LIPH: variants seen among roughly 807,000 people sequenced by gnomAD.
The protein encoded by LIPH is lipase H.
Under a neutral mutation model 47.6 loss-of-function variants are expected in LIPH, and 32 were observed. The observed-to-expected ratio is 0.67, with a 90% CI of 0.51 to 0.90. The LOEUF is 0.90. Among genes scored for constraint, LIPH ranks in the 40% least tolerant of loss-of-function variants. LIPH has a pLI of 0.00. For missense variants in LIPH, 497 were observed against 541.4 expected (o/e 0.92, Z 0.81); for synonymous variants, 190 against 195.6 (o/e 0.97, Z 0.24).
intron 2 of LIPH, 32 bp downstream of exon 2, chr3:185,534,733 T>C (rs781588111): frequency 6.2e-7 from 1 of 1,611,150 alleles, no homozygotes; most frequent in Non-Finnish European, 8.5e-7. Context: ...AGTTTCAACT[T>C]AGCTCTGAAT....
Position 185,534,841 on chromosome 3 carries a change from G to C in LIPH, c.341C>G (p.Thr114Ser). The C allele has an allele frequency of 1.9e-6, 3 of 1,614,070 alleles. No individual in the cohort carries two copies. The highest frequency in any genetic ancestry group is 4.5e-5 in the East Asian group (2 of 44,886). Residue 114 changes from threonine to serine, a missense_variant, in exon 2 of 10, where the codon ACT becomes AGT. Physicochemically the swap from Thr to Ser is moderately conservative, Grantham distance 58 (BLOSUM62 1). Transcript: ENST00000296252. ...ACTAGAGGCATGGGTATATATTAAAGTTGTAGCTCCTCGATTCCAATCAAC... is the reference window on the plus strand; with the variant it reads ...ACTAGAGGCATGGGTATATATTAAACTTGTAGCTCCTCGATTCCAATCAAC... ...VVVDWNRGAT[T>S]LIYTHASSKT...
chr3:185,514,946 A>G (rs951004005), intron 7 of LIPH, among the ~76,000 whole-genome samples: 9 of 152,066 alleles, frequency 5.9e-5, no homozygotes, highest in East Asian at 1.9e-4. Flanking sequence ...CCTTCTCCCA[A>G]TCATGCTCCA....
chr3:185,537,267 A>G (rs1720530389), intron 1 of LIPH, among the ~76,000 whole-genome samples: 1 of 152,186 alleles, frequency 6.6e-6, no homozygotes, highest in Admixed American at 6.5e-5. Context: ...GCGGTTAATC[A>G]GGTAGATAAA....
chr3:185,529,184 A>G (rs1157645315), intron 3 of LIPH, among the ~76,000 whole-genome samples: 1 of 147,422 alleles, frequency 6.8e-6, no homozygotes, highest in Non-Finnish European at 1.5e-5. Context: ...CTCAAAAAAA[A>G]AAAAAAAAGA....
Position 185,506,495 on chromosome 3 carries a change from G to GA in LIPH, c.*2294dup, listed in dbSNP as rs1260364696. The GA allele has an allele frequency of 6.6e-6, 1 of 151,968 alleles. No individual in the cohort carries two copies. Among genetic ancestry groups the GA allele is most frequent in the Non-Finnish European group, 1.5e-5 (1 of 68,016 alleles). 9.4% of individuals were successfully genotyped at this position (151,968 alleles called of 1,614,324 possible). A position where few individuals can be genotyped will look rare whatever the true frequency, so the allele number is the denominator to read the frequency against. On this transcript the variant is annotated 3_prime_UTR_variant, in exon 10 of 10. Transcript: ENST00000296252. ...ATTGTTTTGACTCCCTGCTTACCAG[G>GA]AAAGAGAACAAAAAAGTGACTGTGC...
At chr3:185,547,449 T>C (rs1018892827) in intron 1 of LIPH, among the ~76,000 whole-genome samples, 4 of 152,114 alleles carry the variant, frequency 2.6e-5, no homozygotes, top group Non-Finnish European at 1.5e-5. Context: ...AAACGTGACA[T>C]AGATGTATAT....
At chr3:185,550,525 T>G (rs1389250656) in intron 1 of LIPH, among the ~76,000 whole-genome samples, 1 of 152,202 alleles carries the variant, frequency 6.6e-6, no homozygotes, top group East Asian at 1.9e-4. Context: ...TGTGTTTTTG[T>G]GTTAGGGTTG....
At chr3:185,512,258 G>A (rs533466345) in intron 8 of LIPH, among the ~76,000 whole-genome samples, 1 of 152,166 alleles carries the variant, frequency 6.6e-6, no homozygotes, top group African/African-American at 2.4e-5. Context: ...TTGTGCTGTA[G>A]CATGTATTTT....
In LIPH at chr3:185,527,534, A is replaced by T; in HGVS notation, c.578T>A (p.Leu193Ter). The T allele has an allele frequency of 6.2e-7, 1 of 1,612,912 alleles. No individual in the cohort carries two copies. The highest frequency in any genetic ancestry group is 1.7e-5 in the Admixed American group (1 of 59,774). ...LFNGKPHQDRLDPSDAQFVDV... is the reference protein window; with the variant it reads ...LFNGKPHQDR ...AACAAACTGCGCATCACTGGGATCT[A>T]ATCTGTCTTGGTGAGGTTTCCCGTT... The change falls in exon 4 of 10, where the codon TTA becomes TAA. Residue 193 changes from leucine to a stop codon, truncating the protein, a stop_gained. Transcript: ENST00000296252. LOFTEE classifies it high-confidence loss of function.
chr3:185,528,222 AAGAGAG>A (rs35994579), intron 3 of LIPH, among the ~76,000 whole-genome samples: 189 of 140,650 alleles, frequency 1.3e-3, no homozygotes, highest in African/African-American at 3.4e-3. Flanking sequence ...CGAAGAAAGA[AAGAGAG>A]AGAGAGAGAG....
chr3:185,552,464 C>T lies in LIPH; in HGVS notation c.8G>A (p.Arg3Lys), dbSNP rs149948165. 33 of 1,605,538 alleles carry T rather than the reference C, an allele frequency of 2.1e-5. No homozygotes were observed. Among genetic ancestry groups the T allele is most frequent in the Non-Finnish European group, 2.6e-5 (30 of 1,172,332 alleles). Residue 3 changes from arginine (R) to lysine (K), a missense_variant, in exon 1 of 10, where the codon AGA (arginine) becomes AAA (lysine). Arg to Lys is a conservative substitution (Grantham distance 26). Coordinates refer to ENST00000296252, the MANE Select transcript of LIPH (RefSeq NM_139248.3). ...CAACAAACTGATGAATAAGTAGAATCTCAACATATGGAAACTGGAGAGATC... is the reference window on the plus strand; with the variant it reads ...CAACAAACTGATGAATAAGTAGAATTTCAACATATGGAAACTGGAGAGATC... ML[R>K]FYLFISLLCL...
At chr3:185,511,190 T>G (rs923546342) in intron 9 of LIPH, among the ~76,000 whole-genome samples, 2 of 151,978 alleles carry the variant, frequency 1.3e-5, no homozygotes, top group Non-Finnish European at 2.9e-5. Context: ...TACCATCAAA[T>G]GCAGGTGGGC....
intron 1 of LIPH, among the ~76,000 whole-genome samples, chr3:185,550,961 G>A (rs1721031120): frequency 6.6e-6 from 1 of 152,176 alleles, no homozygotes; most frequent in Admixed American, 6.6e-5. Flanking sequence ...AAGGCGGGTG[G>A]ATCACAGGAT....
intron 3 of LIPH, among the ~76,000 whole-genome samples, chr3:185,529,176 CAAAAAAAA>C (rs1173804674): frequency 5.5e-5 from 3 of 54,448 alleles, no homozygotes; most frequent in Non-Finnish European, 6.2e-5. Context: ...GACTCCGTCT[CAAAAAAAA>C]AAAAAAAAGA....
intron 5 of LIPH, among the ~76,000 whole-genome samples, chr3:185,520,850 C>T (rs1719879848): frequency 1.3e-5 from 2 of 149,978 alleles, no homozygotes; most frequent in Admixed American, 6.8e-5. Context: ...ACTATTAGAT[C>T]TAATCAAGTA....
At chr3:185,516,360 G>A (rs893125553) in intron 7 of LIPH, among the ~76,000 whole-genome samples, 2 of 152,182 alleles carry the variant, frequency 1.3e-5, no homozygotes, top group African/African-American at 2.4e-5. Flanking sequence ...GTGAACCCAG[G>A]AGGCAGAGAT....
chr3:185,509,585 G>A (rs759631159), intron 9 of LIPH, among the ~76,000 whole-genome samples: 5 of 152,064 alleles, frequency 3.3e-5, no homozygotes, highest in Non-Finnish European at 2.9e-5. Context: ...AGCCAAGAAC[G>A]CGCTACTACT....
chr3:185,550,987 C>T (rs568431634), intron 1 of LIPH, among the ~76,000 whole-genome samples: 1 of 152,180 alleles, frequency 6.6e-6, no homozygotes, highest in Admixed American at 6.5e-5. Flanking sequence ...CCATCCTGGC[C>T]AACGTGGTGA....
At chr3:185,529,427 T>C (rs2148956271) in intron 3 of LIPH, among the ~76,000 whole-genome samples, 1 of 148,618 alleles carries the variant, frequency 6.7e-6, no homozygotes, top group Admixed American at 6.7e-5. Flanking sequence ...TCTTTTTTTT[T>C]TTTTAATTTG....
Sources: allele counts gnomAD v4.1 joint callset (sites outside exome capture counted in the v4.1 genomes callset), GRCh38; gene constraint gnomAD v4.1.1; transcripts MANE v1.5; gene names NCBI Gene and HGNC (gene_info 2026-07-23, HGNC 2026-07-21).